Variants in NDUFAF2 observed in about 807,000 individuals in gnomAD.
NDUFAF2 encodes the protein NADH dehydrogenase [ubiquinone] 1 alpha subcomplex assembly factor 2.
NDUFAF2 carries 13 observed loss-of-function variants against 22.8 expected under a neutral mutation model. That is an observed-to-expected ratio of 0.57 (90% confidence interval 0.37 to 0.91). The LOEUF is 0.91. NDUFAF2 is among the 40% of genes least tolerant of loss of function. The pLI is 0.01. For synonymous variants in NDUFAF2, 53 were observed against 64.2 expected, an observed-to-expected ratio of 0.83 and a Z score of 0.84; for missense variants, 162 against 195.2, an observed-to-expected ratio of 0.83 and a Z score of 1.01.
intron 1 of NDUFAF2, among the ~76,000 whole-genome samples, chr5:60,947,781 AAAC>A (rs1489725477): frequency 5.3e-5 from 8 of 151,712 alleles, no homozygotes; most frequent in Middle Eastern, 3.5e-3. Context: ...AAAAAAAAAA[AAAC>A]AAGCCCAAAA....
chr5:60,987,665 G>T (rs1453614361), intron 1 of NDUFAF2, among the ~76,000 whole-genome samples: 1 of 152,014 alleles, frequency 6.6e-6, no homozygotes, highest in East Asian at 1.9e-4. Flanking sequence ...TTACATAATA[G>T]AACTAAAGAC....
chr5:61,043,336 T>G (rs1751906369), intron 1 of NDUFAF2, among the ~76,000 whole-genome samples: 1 of 152,180 alleles, frequency 6.6e-6, no homozygotes, highest in South Asian at 2.1e-4. Flanking sequence ...GGTGAGTACA[T>G]GTCATTATAA....
chr5:60,992,473 G>T (rs556597741), intron 1 of NDUFAF2, among the ~76,000 whole-genome samples: 1 of 152,114 alleles, frequency 6.6e-6, no homozygotes, highest in South Asian at 2.1e-4. Flanking sequence ...ATTTTGATTT[G>T]ATTTTTATAT....
At position 61,040,276 on chromosome 5, in the gene NDUFAF2, ACACACACACACG is replaced by A. The variant is rs767318508; in HGVS notation, c.128-32847_128-32836del. 3.4e-3 allele frequency among the ~76,000 whole-genome samples: 410 copies of A among 120,712 alleles called. 2 individuals are homozygous for A. Among genetic ancestry groups the A allele is most frequent in the Middle Eastern group, 0.02 (5 of 252 alleles). The allele number at this position is 120,712 out of a possible 152,430, so 79.2% of individuals were successfully genotyped here. A position where few individuals can be genotyped will look rare whatever the true frequency, so the allele number is the denominator to read the frequency against. ...GACACACACACACACACACACACAC[ACACACACACACG>A]CGCGCGCGCGCGCGAAAGTTGAAAG... is the stretch of plus-strand genomic sequence containing the variant. On this transcript the variant is annotated intron_variant, in intron 1 of 3. Transcript: ENST00000296597.
chr5:61,028,463 C>T (rs1057012859), intron 1 of NDUFAF2, among the ~76,000 whole-genome samples: 11 of 152,024 alleles, frequency 7.2e-5, no homozygotes, highest in African/African-American at 2.2e-4. Flanking sequence ...ATCCTATTTA[C>T]CTTCTTCAAC....
chr5:61,109,772 C>T (rs1178986768), intron 3 of NDUFAF2, among the ~76,000 whole-genome samples: 1 of 152,122 alleles, frequency 6.6e-6, no homozygotes, highest in Non-Finnish European at 1.5e-5. Flanking sequence ...TCTTGCCTGC[C>T]ACCATGTAAG....
In NDUFAF2 at chr5:61,136,177, GA is replaced by G. The variant is rs143319674; in HGVS notation, c.259-16526del. ...TATGTTGTCATTTGCTATTTTAGATGACACTCTGTTTATCAAAAAAGGGCTT... is the reference window on the plus strand; with the variant it reads ...TATGTTGTCATTTGCTATTTTAGATGCACTCTGTTTATCAAAAAAGGGCTT... On this transcript the variant is annotated intron_variant, in intron 3 of 3. Coordinates refer to ENST00000296597, the MANE Select transcript of NDUFAF2 (RefSeq NM_174889.5). 7.2e-3 allele frequency among the ~76,000 whole-genome samples: 1,086 copies of G among 150,888 alleles called. 13 individuals are homozygous for G. The highest frequency in any genetic ancestry group is 0.025 in the African/African-American group (1,017 of 40,822).
At chr5:60,974,813 G>A (rs1750880840) in intron 1 of NDUFAF2, among the ~76,000 whole-genome samples, 2 of 151,892 alleles carry the variant, frequency 1.3e-5, no homozygotes, top group South Asian at 2.1e-4. Flanking sequence ...TTGTTTATTT[G>A]TTTATTTATT....
chr5:60,984,546 G>C (rs1280338328), intron 1 of NDUFAF2, among the ~76,000 whole-genome samples: 1 of 152,112 alleles, frequency 6.6e-6, no homozygotes, highest in Non-Finnish European at 1.5e-5. Flanking sequence ...GTCATAGATA[G>C]CTCTTATTAT....
intron 1 of NDUFAF2, among the ~76,000 whole-genome samples, chr5:61,071,231 T>C (rs190016126): frequency 6.6e-6 from 1 of 152,154 alleles, no homozygotes; most frequent in Non-Finnish European, 1.5e-5. Flanking sequence ...TGTCCTACTG[T>C]AAATTTATTG....
At chr5:61,005,907 T>C (rs757967828) in intron 1 of NDUFAF2, among the ~76,000 whole-genome samples, 142 of 152,298 alleles carry the variant, frequency 9.3e-4, no homozygotes, top group Non-Finnish European at 1.2e-3. Context: ...TTCACTCTGA[T>C]GGTAGTTTCT....
intron 1 of NDUFAF2, 92 bp from the exon 2 acceptor site, chr5:61,073,033 A>G (rs565789455): frequency 5.0e-6 from 4 of 803,392 alleles, no homozygotes; most frequent in South Asian, 2.8e-5. Flanking sequence ...TTCTTTTACT[A>G]TATAAGGGGT....
In NDUFAF2 at chr5:61,086,211, A is replaced by T. The variant is rs1299700380; in HGVS notation, c.218-12781A>T. On this transcript the variant is annotated intron_variant, in intron 2 of 3. Coordinates refer to ENST00000296597, the MANE Select transcript of NDUFAF2 (RefSeq NM_174889.5). ...ATAGAGAGATGTACAATTTTCATAG[A>T]TCAGAAGAGTTAATATTTAAAAGAC... Among the ~76,000 whole-genome samples, 3 of 152,212 alleles carry T rather than the reference A, an allele frequency of 2.0e-5. No homozygotes were observed. In the East Asian group the frequency reaches 5.8e-4, roughly 29 times the overall value.
intron 3 of NDUFAF2, among the ~76,000 whole-genome samples, chr5:61,121,050 G>A (rs1181129149): frequency 6.6e-6 from 1 of 151,856 alleles, no homozygotes; most frequent in Non-Finnish European, 1.5e-5. Context: ...TGATCACATT[G>A]GTGATAACCC....
chr5:61,044,594 A>G (rs778949860), intron 1 of NDUFAF2, among the ~76,000 whole-genome samples: 8 of 151,996 alleles, frequency 5.3e-5, no homozygotes, highest in Non-Finnish European at 8.8e-5. Context: ...TCCTTTCCCC[A>G]TTGTGGATTT....
At chr5:61,009,422 A>G (rs1383854815) in intron 1 of NDUFAF2, among the ~76,000 whole-genome samples, 1 of 152,130 alleles carries the variant, frequency 6.6e-6, no homozygotes, top group African/African-American at 2.4e-5. Flanking sequence ...CCCTCCCTCA[A>G]GAGCATCTCA....
At chr5:61,146,936 T>G (rs1741148709) in intron 3 of NDUFAF2, among the ~76,000 whole-genome samples, 1 of 152,208 alleles carries the variant, frequency 6.6e-6, no homozygotes, top group Non-Finnish European at 1.5e-5. Flanking sequence ...TAGGTTGTTT[T>G]TCACCTTGAA....
At chr5:61,027,702 A>G (rs1041512329) in intron 1 of NDUFAF2, among the ~76,000 whole-genome samples, 1 of 151,820 alleles carries the variant, frequency 6.6e-6, no homozygotes, top group Non-Finnish European at 1.5e-5. Flanking sequence ...AGAATTTGCT[A>G]TTTTCAACAT....
intron 3 of NDUFAF2, among the ~76,000 whole-genome samples, chr5:61,125,029 C>T (rs1233331389): frequency 2.0e-5 from 3 of 151,938 alleles, no homozygotes; most frequent in Non-Finnish European, 2.9e-5. Flanking sequence ...AACTCACTCA[C>T]AATCATGAGA....
Sources: allele counts gnomAD v4.1 joint callset (sites outside exome capture counted in the v4.1 genomes callset), GRCh38; gene constraint gnomAD v4.1.1; transcripts MANE v1.5; gene names NCBI Gene and HGNC (gene_info 2026-07-23, HGNC 2026-07-21).